The following CTNNA2 variants were observed in gnomAD, a reference collection of about 807,000 sequenced individuals.
CTNNA2 encodes the protein catenin alpha-2.
Under a neutral mutation model 101.0 loss-of-function variants are expected in CTNNA2, and 42 were observed. The ratio of observed to expected loss-of-function variants is 0.42; its 90% CI spans 0.32 to 0.54. The LOEUF (loss-of-function observed/expected upper bound fraction) is 0.54. Among genes scored for constraint, CTNNA2 ranks in the 20% least tolerant of loss-of-function variants. The probability of loss-of-function intolerance (pLI) is 0.14; values close to 1 mark genes in which losing one functional copy is unlikely to be tolerated. For missense variants in CTNNA2, 871 were observed against 1,223.1 expected, an observed-to-expected ratio of 0.71 and a Z score of 4.29; for synonymous variants, 450 against 456.4, an observed-to-expected ratio of 0.99 and a Z score of 0.18.
At chr2:79,680,805 T>C (rs1450011587) in intron 2 of CTNNA2, among the ~76,000 whole-genome samples, 1 of 152,186 alleles carries the variant, frequency 6.6e-6, no homozygotes, top group Non-Finnish European at 1.5e-5. Flanking sequence ...AGGGAATCAT[T>C]GTAAAACTCT....
At chr2:79,711,770 G>A (rs941649238) in intron 2 of CTNNA2, among the ~76,000 whole-genome samples, 1 of 152,080 alleles carries the variant, frequency 6.6e-6, no homozygotes, top group Non-Finnish European at 1.5e-5. Flanking sequence ...TGTTGTGGCT[G>A]CTCAACTCGG....
intron 3 of CTNNA2, among the ~76,000 whole-genome samples, chr2:79,828,278 A>G (rs1678597394): frequency 6.6e-6 from 1 of 152,222 alleles, no homozygotes; most frequent in Admixed American, 6.5e-5. Flanking sequence ...GCCTAATGTC[A>G]TATTTGCCAA....
At chr2:80,073,601 A>T (rs888982133) in intron 7 of CTNNA2, among the ~76,000 whole-genome samples, 1 of 152,098 alleles carries the variant, frequency 6.6e-6, no homozygotes, top group African/African-American at 2.4e-5. Flanking sequence ...ATGTGTAAAA[A>T]TTTGAGATTG....
chr2:79,829,360 TACAC>T (rs55934940), intron 3 of CTNNA2, among the ~76,000 whole-genome samples: 4,800 of 113,044 alleles, frequency 0.042, 104 homozygotes, highest in East Asian at 0.089. Context: ...CAACTAAAAC[TACAC>T]ACACACACAC....
At chr2:79,554,022 T>C (rs1439131888) in intron 1 of CTNNA2, among the ~76,000 whole-genome samples, 1 of 152,192 alleles carries the variant, frequency 6.6e-6, no homozygotes, top group African/African-American at 2.4e-5. Flanking sequence ...GTTTTTGTTT[T>C]CCTTTCACAC....
intron 1 of CTNNA2, among the ~76,000 whole-genome samples, chr2:79,603,099 T>C (rs542118357): frequency 5.6e-4 from 85 of 151,912 alleles, no homozygotes; most frequent in Non-Finnish European, 9.7e-4. Context: ...ATGAACAAAA[T>C]AGCAGATAAA....
At chr2:80,409,979 G>A (rs1238178195) in intron 8 of CTNNA2, among the ~76,000 whole-genome samples, 1 of 152,112 alleles carries the variant, frequency 6.6e-6, no homozygotes, top group Non-Finnish European at 1.5e-5. Context: ...GTTTTTCATT[G>A]AGTACATTAA....
intron 12 of CTNNA2, among the ~76,000 whole-genome samples, chr2:80,568,233 A>G (rs1364171382): frequency 6.6e-6 from 1 of 152,228 alleles, no homozygotes; most frequent in Non-Finnish European, 1.5e-5. Context: ...ATACTTTTTA[A>G]TAAAATTACT....
chr2:80,599,934 C>T (rs975390628), intron 15 of CTNNA2, among the ~76,000 whole-genome samples: 1 of 129,604 alleles, frequency 7.7e-6, no homozygotes, highest in Non-Finnish European at 1.6e-5. Flanking sequence ...CTCCCCCCAC[C>T]CCAAGTAGTT....
intron 3 of CTNNA2, among the ~76,000 whole-genome samples, chr2:79,370,468 G>A (rs188257482): frequency 1.2e-3 from 184 of 152,284 alleles, no homozygotes; most frequent in African/African-American, 3.3e-3. Context: ...GTTAGCAATA[G>A]AAAATCATTG....
At chr2:80,362,879 G>A (rs1484317930) in intron 7 of CTNNA2, among the ~76,000 whole-genome samples, 2 of 151,914 alleles carry the variant, frequency 1.3e-5, no homozygotes, top group Admixed American at 6.6e-5. Context: ...CAGCTACTTG[G>A]GAGGCTGAGC....
At chr2:79,842,377 A>G (rs1184170518) in intron 3 of CTNNA2, among the ~76,000 whole-genome samples, 1 of 152,184 alleles carries the variant, frequency 6.6e-6, no homozygotes, top group Admixed American at 6.5e-5. Flanking sequence ...ATGGAGTTTT[A>G]AATGAGTATT....
chr2:80,390,006 A>G (rs987853522), intron 7 of CTNNA2, among the ~76,000 whole-genome samples: 23 of 152,212 alleles, frequency 1.5e-4, no homozygotes, highest in African/African-American at 4.1e-4. Flanking sequence ...CACTATAAAG[A>G]AGCTCTTATA....
At chr2:79,679,556 C>A (rs1020689626) in intron 2 of CTNNA2, among the ~76,000 whole-genome samples, 2 of 152,032 alleles carry the variant, frequency 1.3e-5, no homozygotes, top group African/African-American at 4.8e-5. Context: ...AGCTGTAAAC[C>A]GCCCCATGCT....
intron 2 of CTNNA2, among the ~76,000 whole-genome samples, chr2:79,291,595 G>T (rs928011812): frequency 1.3e-5 from 2 of 152,114 alleles, no homozygotes; most frequent in African/African-American, 4.8e-5. Context: ...AACAACTTGT[G>T]CCCTCAAACT....
intron 7 of CTNNA2, among the ~76,000 whole-genome samples, chr2:80,073,100 A>G (rs1698446218): frequency 6.6e-6 from 1 of 152,216 alleles, no homozygotes; most frequent in Admixed American, 6.5e-5. Flanking sequence ...TAAGCACTGA[A>G]AATATTTGGA....
chr2:79,885,245 G>A (rs1371454994), intron 6 of CTNNA2, among the ~76,000 whole-genome samples: 1 of 152,070 alleles, frequency 6.6e-6, no homozygotes, highest in Non-Finnish European at 1.5e-5. Context: ...TAAGACCTAG[G>A]AGATCTACAC....
intron 7 of CTNNA2, among the ~76,000 whole-genome samples, chr2:80,103,035 C>G (rs1175122068): frequency 1.3e-5 from 2 of 152,140 alleles, no homozygotes; most frequent in African/African-American, 4.8e-5. Context: ...GTAGCTCCTG[C>G]TCATATGTGG....
At chr2:79,254,477 C>T (rs1053141346) in intron 2 of CTNNA2, among the ~76,000 whole-genome samples, 30 of 152,180 alleles carry the variant, frequency 2.0e-4, no homozygotes, top group African/African-American at 6.8e-4. Context: ...CTTTCTTCCA[C>T]CTGTTCCAGC....
Sources: allele counts gnomAD v4.1 joint callset (sites outside exome capture counted in the v4.1 genomes callset), GRCh38; gene constraint gnomAD v4.1.1; transcripts MANE v1.5; gene names NCBI Gene and HGNC (gene_info 2026-07-23, HGNC 2026-07-21).